OLFM3: variants seen among roughly 807,000 people sequenced by gnomAD.
OLFM3 encodes the protein olfactomedin 3, also known as noelin-3.
A neutral mutation model predicts 48.6 loss-of-function variants in OLFM3; 20 were observed. The observed-to-expected ratio is 0.41, with a 90% CI of 0.29 to 0.60. The LOEUF is 0.60. Among genes scored for constraint, OLFM3 ranks in the 20% least tolerant of loss-of-function variants. The probability of loss-of-function intolerance (pLI) is 0.28; values close to 1 mark genes in which losing one functional copy is unlikely to be tolerated. For synonymous variants in OLFM3, 222 were observed against 198.1 expected, an observed-to-expected ratio of 1.12 and a Z score of -1.01; for missense variants, 437 against 544.3, an observed-to-expected ratio of 0.80 and a Z score of 1.96.
chr1:101,847,262 CTT>C (rs1656044652), intron 1 of OLFM3, among the ~76,000 whole-genome samples: 1 of 152,058 alleles, frequency 6.6e-6, no homozygotes, highest in South Asian at 2.1e-4. Context: ...GAGGCGGAAA[CTT>C]GAGCTTTCCC....
intron 1 of OLFM3, among the ~76,000 whole-genome samples, chr1:101,885,792 C>T (rs1657731756): frequency 6.6e-6 from 1 of 152,078 alleles, no homozygotes; most frequent in Non-Finnish European, 1.5e-5. Context: ...GCTATTGGTA[C>T]ATCTTCCAGT....
rs1361732349 is a variant in OLFM3 at position 101,803,477 on chromosome 1, G to C, written c.*761C>G. ...GGGGTAAAATAAAGACTCTATGTCA[G>C]GTGTCTGGTTTGGTTTTCATTTTAG... is the stretch of plus-strand genomic sequence containing the variant. On this transcript the variant is annotated 3_prime_UTR_variant, in exon 6 of 6. Transcript: ENST00000370103. 3 of 152,070 alleles carry C rather than the reference G, an allele frequency of 2.0e-5. No homozygotes were observed. The highest frequency in any genetic ancestry group is 4.4e-5 in the Non-Finnish European group (3 of 67,758). The allele number at this position is 152,070 out of a possible 1,614,324, so 9.4% of individuals were successfully genotyped here. A position where few individuals can be genotyped will look rare whatever the true frequency, so the allele number is the denominator to read the frequency against.
At chr1:101,826,323 A>G (rs562716692) in intron 3 of OLFM3, among the ~76,000 whole-genome samples, 1 of 151,982 alleles carries the variant, frequency 6.6e-6, no homozygotes, top group Non-Finnish European at 1.5e-5. Context: ...AAATAAATAA[A>G]TATTTCTTTA....
chr1:101,961,245 A>G (rs922970592), intron 1 of OLFM3, among the ~76,000 whole-genome samples: 1 of 152,072 alleles, frequency 6.6e-6, no homozygotes, highest in Non-Finnish European at 1.5e-5. Flanking sequence ...CTGAAAGAGA[A>G]ACTAATTTGT....
At chr1:101,942,478 G>T (rs1412411011) in intron 1 of OLFM3, among the ~76,000 whole-genome samples, 1 of 152,132 alleles carries the variant, frequency 6.6e-6, no homozygotes, top group East Asian at 1.9e-4. Flanking sequence ...TGGGGGAAAA[G>T]GTTTCTGTAA....
chr1:101,898,832 G>A (rs1460188745), intron 1 of OLFM3, among the ~76,000 whole-genome samples: 5 of 152,092 alleles, frequency 3.3e-5, no homozygotes, highest in Non-Finnish European at 4.4e-5. Flanking sequence ...CTGAGTGACA[G>A]AGCAAGACTG....
At chr1:101,958,432 T>G (rs1325678338) in intron 1 of OLFM3, among the ~76,000 whole-genome samples, 1 of 152,092 alleles carries the variant, frequency 6.6e-6, no homozygotes, top group African/African-American at 2.4e-5. Flanking sequence ...TGTCTAATGC[T>G]ATTCCCAATT....
intron 1 of OLFM3, among the ~76,000 whole-genome samples, chr1:101,982,164 A>G (rs11164358): frequency 0.16 from 24,509 of 152,184 alleles, 2,221 homozygotes; most frequent in East Asian, 0.36. Flanking sequence ...ATTTATACAA[A>G]TTTAAATAAT....
intron 1 of OLFM3, among the ~76,000 whole-genome samples, chr1:101,967,814 T>G (rs1366911236): frequency 6.6e-6 from 1 of 152,130 alleles, no homozygotes; most frequent in Non-Finnish European, 1.5e-5. Context: ...TGGTACAAAC[T>G]AACTTTTTTT....
At chr1:101,858,767 T>C (rs1175468374) in intron 1 of OLFM3, among the ~76,000 whole-genome samples, 3 of 152,086 alleles carry the variant, frequency 2.0e-5, no homozygotes, top group Admixed American at 1.3e-4. Context: ...ACTATAATTG[T>C]AAGTTCTCTG....
intron 1 of OLFM3, among the ~76,000 whole-genome samples, chr1:101,972,327 C>A (rs536016796): frequency 6.6e-6 from 1 of 152,252 alleles, no homozygotes; most frequent in Non-Finnish European, 1.5e-5. Flanking sequence ...ATAATGCTGT[C>A]AGTTCTGCTA....
chr1:101,828,776 T>C (rs1655006194), intron 3 of OLFM3, among the ~76,000 whole-genome samples: 1 of 152,180 alleles, frequency 6.6e-6, no homozygotes, highest in Admixed American at 6.5e-5. Flanking sequence ...TCCTGACTAG[T>C]TCCTTCTGGG....
At chr1:101,881,863 T>A (rs550423574) in intron 1 of OLFM3, among the ~76,000 whole-genome samples, 1 of 151,828 alleles carries the variant, frequency 6.6e-6, no homozygotes, top group African/African-American at 2.4e-5. Flanking sequence ...CTTTCTTTAT[T>A]TATTTATTAC....
intron 1 of OLFM3, among the ~76,000 whole-genome samples, chr1:101,911,696 A>G (rs1038162343): frequency 6.6e-6 from 1 of 152,168 alleles, no homozygotes; most frequent in South Asian, 2.1e-4. Context: ...CACAACAAAA[A>G]TGTAATTTCC....
chr1:101,870,512 A>G (rs774132176), intron 1 of OLFM3, among the ~76,000 whole-genome samples: 1 of 152,042 alleles, frequency 6.6e-6, no homozygotes, highest in Non-Finnish European at 1.5e-5. Context: ...CACCTTTTCA[A>G]TCTTTGTCTA....
intron 1 of OLFM3, among the ~76,000 whole-genome samples, chr1:101,888,315 G>T (rs1230778727): frequency 6.6e-6 from 1 of 152,060 alleles, no homozygotes; most frequent in African/African-American, 2.4e-5. Flanking sequence ...TAGACCAATG[G>T]AACAGAACAG....
chr1:101,954,321 G>A (rs905943872), intron 1 of OLFM3, among the ~76,000 whole-genome samples: 5 of 152,030 alleles, frequency 3.3e-5, no homozygotes, highest in Non-Finnish European at 5.9e-5. Flanking sequence ...AAATTTACAT[G>A]TAGGAATGTA....
chr1:101,970,877 A>G (rs1660764825), intron 1 of OLFM3, among the ~76,000 whole-genome samples: 1 of 152,244 alleles, frequency 6.6e-6, no homozygotes, highest in Non-Finnish European at 1.5e-5. Flanking sequence ...GATAGCGCGT[A>G]CATAATAGAT....
At chr1:101,884,483 C>CA (rs1657664269) in intron 1 of OLFM3, among the ~76,000 whole-genome samples, 1 of 150,566 alleles carries the variant, frequency 6.6e-6, no homozygotes, top group African/African-American at 2.4e-5. Context: ...TTCTGAAAAA[C>CA]AAAAACAAAA....
Sources: gnomAD v4.1 joint callset for allele counts (sites outside exome capture counted in the v4.1 genomes callset) on GRCh38, gnomAD v4.1.1 for gene constraint, MANE v1.5 for transcripts, NCBI Gene and HGNC (gene_info 2026-07-23, HGNC 2026-07-21) for gene names.